Variants in NBPF15 observed in about 807,000 individuals in gnomAD.
NBPF15 encodes NBPF family member NBPF15.
A neutral mutation model predicts 62.2 loss-of-function variants in NBPF15; 74 were observed. The ratio of observed to expected loss-of-function variants is 1.19; its 90% CI spans 0.99 to 1.44. The LOEUF (loss-of-function observed/expected upper bound fraction) is 1.44. NBPF15 is among the 40% of genes most tolerant of loss of function. NBPF15 has a pLI of 0.00. For synonymous variants in NBPF15, 244 were observed against 209.7 expected (o/e 1.16, Z -1.41); for missense variants, 790 against 550.0 (o/e 1.44, Z -4.36).
intron 6 of NBPF15, among the ~76,000 whole-genome samples, chr1:144,447,487 C>A (rs587717575): frequency 4.0e-5 from 6 of 151,802 alleles, no homozygotes; most frequent in Non-Finnish European, 5.9e-5. Flanking sequence ...CCATCGGGTG[C>A]CCCCAATGCT....
Position 144,439,877 on chromosome 1 carries a change from A to C in NBPF15, c.127T>G (p.Phe43Val). The change falls in exon 8 of 22, where the codon TTT becomes GTT. Residue 43 changes from phenylalanine to valine, a missense_variant. By Grantham distance (50) the Phe-to-Val change is conservative. Transcript: ENST00000581897. ...QQFRNLKEKC[F>V]LTQLAGFLAN... ...AGGAAGCCGGCCAGTTGAGTTAGAA[A>C]ACATTTCTCTTTGAGGTTTCTGAAC... The C allele has an allele frequency of 6.2e-7, 1 of 1,610,806 alleles. No individual in the cohort carries two copies.
Position 144,423,055 on chromosome 1 carries a change from A to T in NBPF15, c.1971T>A (p.Ser657Arg). Residue 657 changes from serine to arginine, a missense_variant, in exon 22 of 22, where the codon AGT becomes AGA. Physicochemically the swap from Ser to Arg is moderately radical, Grantham distance 110 (BLOSUM62 -1). Coordinates refer to ENST00000581897, the MANE Select transcript of NBPF15 (RefSeq NM_001385408.1). The stretch of plus-strand genomic sequence containing the variant: ...CTCCCATCTGGAACACCAGGTGGAG[A>T]CTTGTCACCGTCAAAGTAAAAAACC... ...DNRFFTLTVTSLHLVFQMGVI... is the reference protein window; with the variant it reads ...DNRFFTLTVTRLHLVFQMGVI... The T allele has an allele frequency of 6.2e-7, 1 of 1,611,630 alleles. No individual in the cohort carries two copies. The highest frequency in any genetic ancestry group is 1.7e-5 in the Admixed American group (1 of 59,966).
intron 8 of NBPF15, among the ~76,000 whole-genome samples, chr1:144,439,175 G>T (rs1399951450): frequency 1.3e-5 from 2 of 151,516 alleles, no homozygotes; most frequent in African/African-American, 2.4e-5. Context: ...GTGGAGATGG[G>T]GTTTCTCCAT....
chr1:144,427,192 T>C, intron 16 of NBPF15, 94 bp from the exon 17 acceptor site: 1 of 632,470 alleles, frequency 1.6e-6, no homozygotes. Flanking sequence ...GACTTCAGGC[T>C]CCTCAGCATG....
rs1442459929 is a variant in NBPF15, at chr1:144,457,092, T to C, written c.-700-287A>G. Among the ~76,000 whole-genome samples the C allele has an allele frequency of 4.6e-5, 7 of 151,912 alleles. 1 individual carries two copies. The highest frequency in any genetic ancestry group is 2.6e-4 in the Admixed American group (4 of 15,244). On this transcript the variant is annotated intron_variant, in intron 3 of 21. Transcript: ENST00000581897. The stretch of plus-strand genomic sequence containing the variant: ...TACTCAGAAGGCTGAGGCAGGAGGA[T>C]TCCTTGAGCCTTGAATTAGAGGTTA...
At chr1:144,440,960 A>G (rs1184128895) in intron 6 of NBPF15, among the ~76,000 whole-genome samples, 11 of 151,370 alleles carry the variant, frequency 7.3e-5, no homozygotes, top group Admixed American at 2.6e-4. Flanking sequence ...GAGCCACCGC[A>G]CCCGGCCGAC....
chr1:144,461,081 G>T (rs1553548336), intron 1 of NBPF15, 120 bp from the exon 2 acceptor site: 3 of 151,070 alleles, frequency 2.0e-5, no homozygotes, highest in Admixed American at 2.0e-4. Context: ...TGGCCTCGAG[G>T]GTGGGGTGCG....
In NBPF15 at chr1:144,423,116, T is replaced by C. The variant is rs781870970; in HGVS notation, c.1910A>G (p.Glu637Gly). The C allele has an allele frequency of 6.2e-7, 1 of 1,611,670 alleles. No homozygotes were observed. The highest frequency in any genetic ancestry group is 1.7e-5 in the Admixed American group (1 of 59,986). ...HYRSVFYSFE[E>G]EHISFALYVD... is the part of the protein sequence containing the mutation. ...GTAAAGGGCGAAGCTGATATGCTCT[T>C]CCTCAAATGAGTAAAACACACTTCT... The change falls in exon 22 of 22, where the codon GAA becomes GGA. Residue 637 changes from glutamate (E) to glycine (G), a missense_variant. By Grantham distance (98) the Glu-to-Gly change is moderately conservative (BLOSUM62 -2). Coordinates refer to ENST00000581897, the MANE Select transcript of NBPF15 (RefSeq NM_001385408.1).
At chr1:144,444,963 C>T (rs1472539312) in intron 6 of NBPF15, among the ~76,000 whole-genome samples, 35 of 151,846 alleles carry the variant, frequency 2.3e-4, no homozygotes, top group African/African-American at 8.2e-4. Flanking sequence ...TCAAAGGAGC[C>T]ATACCATTTT....
intron 12 of NBPF15, among the ~76,000 whole-genome samples, chr1:144,434,645 C>G (rs1380021703): frequency 1.3e-5 from 2 of 151,186 alleles, no homozygotes; most frequent in African/African-American, 4.9e-5. Context: ...GTCCTGATTT[C>G]AGGGTGACTG....
intron 4 of NBPF15, among the ~76,000 whole-genome samples, chr1:144,452,207 G>A (rs1691624808): frequency 6.6e-6 from 1 of 151,992 alleles, no homozygotes; most frequent in Admixed American, 6.6e-5. Context: ...ATATTATTAT[G>A]TGAAAATGTA....
At chr1:144,424,191 A>G (rs1667887261) in intron 20 of NBPF15, among the ~76,000 whole-genome samples, 2 of 152,010 alleles carry the variant, frequency 1.3e-5, no homozygotes, top group African/African-American at 2.4e-5. Flanking sequence ...ATTCTAGTAG[A>G]TCGTTATCCC....
rs587625744 is a variant in NBPF15 at position 144,447,947 on chromosome 1, C to T, written c.-191+828G>A. The stretch of plus-strand genomic sequence containing the variant: ...TGCTCACAGAGAACCACAGACCGCA[C>T]GGCTCCAGAGTCAGGGGCAGCATCA... On this transcript the variant is annotated intron_variant, in intron 6 of 21. Coordinates refer to ENST00000581897, the MANE Select transcript of NBPF15 (RefSeq NM_001385408.1). 4.9e-4 allele frequency among the ~76,000 whole-genome samples: 74 copies of T among 152,158 alleles called. 1 individual carries two copies. Among genetic ancestry groups the T allele is most frequent in the African/African-American group, 1.0e-3 (42 of 41,518 alleles).
In NBPF15 at chr1:144,440,224, C is replaced by T. The variant is rs1571137956; in HGVS notation, c.-119G>A. 3 of 1,521,786 alleles carry T rather than the reference C, an allele frequency of 2.0e-6. No homozygotes were observed. Among genetic ancestry groups the T allele is most frequent in the Non-Finnish European group, 2.6e-6 (3 of 1,132,398 alleles). 94.3% of individuals were successfully genotyped at this position (1,521,786 alleles called of 1,614,324 possible). A position where few individuals can be genotyped will look rare whatever the true frequency, so the allele number is the denominator to read the frequency against. On this transcript the variant is annotated 5_prime_UTR_variant, in exon 7 of 22. Transcript: ENST00000581897. The stretch of plus-strand genomic sequence containing the variant: ...AGGTTCGAGGTGCCTCAACTCAGAG[C>T]TGAAAGCACTGTCAGTAGCGCAGAC...
chr1:144,456,399 T>A, intron 4 of NBPF15, 138 bp downstream of exon 4: 1 of 830,620 alleles, frequency 1.2e-6, no homozygotes, highest in African/African-American at 1.8e-5. Context: ...ACCTAACAAA[T>A]ATTAATTCAG....
In NBPF15 at chr1:144,422,680, G is replaced by A. The variant is rs1268511762; in HGVS notation, c.*333C>T. 3 of 469,418 alleles carry A rather than the reference G, an allele frequency of 6.4e-6. No homozygotes were observed. Among genetic ancestry groups the A allele is most frequent in the Non-Finnish European group, 1.2e-5 (3 of 260,520 alleles). The allele number at this position is 469,418 out of a possible 1,614,324, so 29.1% of individuals were successfully genotyped here. ...AACACAAAGATGACAATGACCTTGA[G>A]CAGGTATAGAAGCTCAGAGACATGC... On this transcript the variant is annotated 3_prime_UTR_variant, in exon 22 of 22. Coordinates refer to ENST00000581897, the MANE Select transcript of NBPF15 (RefSeq NM_001385408.1).
intron 3 of NBPF15, among the ~76,000 whole-genome samples, chr1:144,457,016 T>C (rs1176151039): frequency 6.6e-6 from 1 of 150,530 alleles, no homozygotes; most frequent in African/African-American, 2.4e-5. Context: ...TCTCTGAAAA[T>C]AAAAAATGAA....
chr1:144,458,106 G>C (rs142497608), intron 3 of NBPF15, among the ~76,000 whole-genome samples: 1 of 151,594 alleles, frequency 6.6e-6, no homozygotes, highest in African/African-American at 2.4e-5. Context: ...AAAAAAAATT[G>C]TTCGATGTAG....
chr1:144,439,819 T>G lies in NBPF15; in HGVS notation c.175+10A>C, dbSNP rs1681498249. 1.3e-6 allele frequency: 2 copies of G among 1,585,968 alleles called. No homozygotes were observed. ...CATCACTTTCATGACGGTGAGCCTA[T>G]AGATCTTACTGTATTTCTTCTGTCG... On this transcript the variant is annotated intron_variant, in intron 8 of 21. Transcript: ENST00000581897.
Sources: allele counts gnomAD v4.1 joint callset (sites outside exome capture counted in the v4.1 genomes callset), GRCh38; gene constraint gnomAD v4.1.1; transcripts MANE v1.5; gene names NCBI Gene and HGNC (gene_info 2026-07-23, HGNC 2026-07-21).